NCKAP5: variants seen among roughly 807,000 people sequenced by gnomAD.
NCKAP5 encodes nck-associated protein 5.
Under a neutral mutation model 167.0 loss-of-function variants are expected in NCKAP5, and 92 were observed. The ratio of observed to expected loss-of-function variants is 0.55; its 90% CI spans 0.47 to 0.66. NCKAP5 has a LOEUF of 0.66. NCKAP5 is among the 30% of genes least tolerant of loss of function. NCKAP5 has a pLI of 0.00. For synonymous variants in NCKAP5, 891 were observed against 877.4 expected, an observed-to-expected ratio of 1.02 and a Z score of -0.27; for missense variants, 2,378 against 2,315.0, an observed-to-expected ratio of 1.03 and a Z score of -0.56.
At chr2:133,321,464 A>C (rs1682047914) in intron 3 of NCKAP5, among the ~76,000 whole-genome samples, 1 of 152,230 alleles carries the variant, frequency 6.6e-6, no homozygotes, top group South Asian at 2.1e-4. Context: ...CTGTTGATAC[A>C]GAATCTAGAG....
chr2:132,985,024 G>A (rs1283087475), intron 7 of NCKAP5, among the ~76,000 whole-genome samples: 4 of 151,388 alleles, frequency 2.6e-5, no homozygotes, highest in Non-Finnish European at 5.9e-5. Context: ...CAAAATAAAG[G>A]CTGGCTCTCT....
chr2:133,097,442 C>T (rs1023098157), intron 6 of NCKAP5, among the ~76,000 whole-genome samples: 1 of 152,164 alleles, frequency 6.6e-6, no homozygotes, highest in Admixed American at 6.5e-5. Flanking sequence ...TATGCCATCG[C>T]AATTTAGTTT....
At chr2:132,971,785 G>C (rs1018808563) in intron 7 of NCKAP5, among the ~76,000 whole-genome samples, 4 of 152,160 alleles carry the variant, frequency 2.6e-5, no homozygotes, top group African/African-American at 9.7e-5. Flanking sequence ...ACCAGCATCA[G>C]AGTTGACAGG....
chr2:133,616,670 A>G, the NCKAP5 span, among the ~76,000 whole-genome samples: 2 of 152,196 alleles, frequency 1.3e-5, no homozygotes, highest in East Asian at 1.9e-4. Context: ...ATAGCTTACC[A>G]ACCAAAAAGA....
intron 4 of NCKAP5, among the ~76,000 whole-genome samples, chr2:133,280,575 G>T (rs1478467247): frequency 6.6e-6 from 1 of 152,040 alleles, no homozygotes; most frequent in South Asian, 2.1e-4. Context: ...TCCAGGGGAT[G>T]GCTTAGAAGG....
intron 6 of NCKAP5, among the ~76,000 whole-genome samples, chr2:133,112,473 T>TAAA: frequency 6.9e-6 from 1 of 145,838 alleles, no homozygotes; most frequent in African/African-American, 2.5e-5. Flanking sequence ...GACTCCGTCT[T>TAAA]AAAAAAAAAA....
intron 3 of NCKAP5, among the ~76,000 whole-genome samples, chr2:133,469,962 T>C (rs1282970422): frequency 2.0e-5 from 3 of 151,508 alleles, no homozygotes; most frequent in Non-Finnish European, 4.4e-5. Context: ...TTGAATGTCC[T>C]CCTGTAGCTC....
intron 6 of NCKAP5, among the ~76,000 whole-genome samples, chr2:133,096,646 T>C (rs1012908253): frequency 6.6e-5 from 10 of 152,218 alleles, no homozygotes; most frequent in Non-Finnish European, 1.3e-4. Flanking sequence ...GGCTTCCTAT[T>C]TGTGGAACAG....
chr2:133,515,487 GAC>G (rs2151433783), intron 3 of NCKAP5, among the ~76,000 whole-genome samples: 1 of 152,288 alleles, frequency 6.6e-6, no homozygotes, highest in South Asian at 2.1e-4. Context: ...TCCTAAGCAT[GAC>G]ACAGGGAGAC....
At chr2:133,298,730 C>T (rs765283621) in intron 4 of NCKAP5, among the ~76,000 whole-genome samples, 8 of 151,976 alleles carry the variant, frequency 5.3e-5, no homozygotes, top group East Asian at 1.9e-4. Context: ...TAAAATATTC[C>T]GTATAAATAG....
At chr2:133,249,998 T>TTTATTATTATTATTATTA (rs10685479) in intron 4 of NCKAP5, among the ~76,000 whole-genome samples, 3,546 of 138,152 alleles carry the variant, frequency 0.026, 72 homozygotes, top group East Asian at 0.044. Flanking sequence ...CACCAAGGGT[T>TTTATTATTATTATTATTA]TTATTATTAT....
At chr2:133,261,028 A>G (rs935673093) in intron 4 of NCKAP5, among the ~76,000 whole-genome samples, 1 of 152,230 alleles carries the variant, frequency 6.6e-6, no homozygotes, top group Non-Finnish European at 1.5e-5. Flanking sequence ...TTAGACTAGG[A>G]AGAACCTTAC....
At position 133,120,022 on chromosome 2, in the gene NCKAP5, C is replaced by T. The variant is rs568799796; in HGVS notation, c.341+9956G>A. 1.8e-4 allele frequency among the ~76,000 whole-genome samples: 28 copies of T among 152,060 alleles called. 1 individual carries two copies. The South Asian group carries it at 5.6e-3, about 30-fold the overall frequency. On this transcript the variant is annotated intron_variant, in intron 6 of 19. Transcript: ENST00000409261. ...GGGGATATCAATATTAATTAAAATG[C>T]TTATTATAAAACACAACTGCTAAAG...
chr2:133,147,789 G>A (rs917729133), intron 5 of NCKAP5, among the ~76,000 whole-genome samples: 2 of 152,038 alleles, frequency 1.3e-5, no homozygotes, highest in African/African-American at 2.4e-5. Flanking sequence ...CATATTTGAT[G>A]AGCCAATTTA....
chr2:132,782,403 G>C lies in NCKAP5; in HGVS notation c.4408C>G (p.Pro1470Ala). The C allele has an allele frequency of 6.2e-7, 1 of 1,614,046 alleles. No homozygotes were observed. Among genetic ancestry groups the C allele is most frequent in the Non-Finnish European group, 8.5e-7 (1 of 1,179,894 alleles). Residue 1470 changes from proline (P) to alanine (A), a missense_variant, in exon 14 of 20, where the codon CCC (proline) becomes GCC (alanine). By Grantham distance (27) the Pro-to-Ala change is conservative. Around this residue, in one of 3 missense-constraint regions of NCKAP5, gnomAD observed 1,325 missense variants for 1,274.5 expected, o/e 1.04. Transcript: ENST00000409261. ...DAVSSEAPLS[P>A]TIEEKVMLCI... is the part of the protein sequence containing the mutation. ...AACATGACCTTTTCTTCGATTGTGG[G>C]TGAGAGGGGGGCTTCTGAACTCACA...
chr2:133,214,581 T>C (rs1345930888), intron 4 of NCKAP5, among the ~76,000 whole-genome samples: 1 of 152,202 alleles, frequency 6.6e-6, no homozygotes, highest in Non-Finnish European at 1.5e-5. Flanking sequence ...ATATATCCAA[T>C]ATTCACCAAA....
At chr2:133,348,930 C>G (rs899897633) in intron 3 of NCKAP5, among the ~76,000 whole-genome samples, 2 of 152,186 alleles carry the variant, frequency 1.3e-5, no homozygotes, top group Non-Finnish European at 2.9e-5. Flanking sequence ...AATATTTCTT[C>G]TTAGAGGTCT....
At chr2:132,690,401 C>A (rs1686569770) in intron 19 of NCKAP5, among the ~76,000 whole-genome samples, 1 of 152,174 alleles carries the variant, frequency 6.6e-6, no homozygotes, top group Non-Finnish European at 1.5e-5. Flanking sequence ...AATGGACTTA[C>A]TTGTTTTTAT....
chr2:133,402,063 A>G (rs1363329108), intron 3 of NCKAP5, among the ~76,000 whole-genome samples: 2 of 151,776 alleles, frequency 1.3e-5, no homozygotes, highest in South Asian at 2.1e-4. Flanking sequence ...AAGCTTTAAA[A>G]TTTTGTGTCT....
Sources: gnomAD v4.1 joint callset for allele counts (sites outside exome capture counted in the v4.1 genomes callset) on GRCh38, gnomAD v4.1.1 for gene constraint, gnomAD v4.1.1 regional missense constraint, MANE v1.5 for transcripts, NCBI Gene and HGNC (gene_info 2026-07-23, HGNC 2026-07-21) for gene names.